The following DOCK10 variants were observed in gnomAD, a reference collection of about 807,000 sequenced individuals.
DOCK10 encodes the protein dedicator of cytokinesis 10.
DOCK10 carries 145 observed loss-of-function variants against 280.1 expected under a neutral mutation model. That is an observed-to-expected ratio of 0.52 (90% CI 0.45 to 0.59). DOCK10 has a LOEUF of 0.59. Ranked by LOEUF, DOCK10 falls within the 20% of genes least tolerant of loss-of-function variation. DOCK10 has a pLI of 0.00. For synonymous variants in DOCK10, 915 were observed against 942.2 expected, an observed-to-expected ratio of 0.97 and a Z score of 0.53; for missense variants, 2,368 against 2,651.7, an observed-to-expected ratio of 0.89 and a Z score of 2.35.
At chr2:224,921,112 A>AAAAAATATATAT in intron 2 of DOCK10, among the ~76,000 whole-genome samples, 3 of 54,426 alleles carry the variant, frequency 5.5e-5, no homozygotes, top group African/African-American at 3.1e-4. Context: ...AAAAAAAAAA[A>AAAAAATATATAT]ATATATATAT....
At position 224,906,753 on chromosome 2, in the gene DOCK10, A is replaced by G. The variant is rs538699646; in HGVS notation, c.333+9942T>C. On this transcript the variant is annotated intron_variant, in intron 3 of 55. Coordinates refer to ENST00000258390, the MANE Select transcript of DOCK10 (RefSeq NM_014689.3). ...CTTGGCCTCCCAAAGTGCTGGGATTACAGGCGTCAGTCACCGCACCCGGCC... is the reference window on the plus strand; with the variant it reads ...CTTGGCCTCCCAAAGTGCTGGGATTGCAGGCGTCAGTCACCGCACCCGGCC... 2.0e-5 allele frequency among the ~76,000 whole-genome samples: 3 copies of G among 152,356 alleles called. No individual in the cohort carries two copies. The South Asian group carries it at 6.2e-4, about 32-fold the overall frequency.
chr2:224,963,071 C>G (rs959742428), intron 1 of DOCK10, among the ~76,000 whole-genome samples: 2 of 152,122 alleles, frequency 1.3e-5, no homozygotes, highest in Admixed American at 1.3e-4. Flanking sequence ...AAACTGTTGT[C>G]CAAGCTGAGT....
intron 1 of DOCK10, among the ~76,000 whole-genome samples, chr2:224,960,164 AT>A (rs1417627111): frequency 1.3e-5 from 2 of 152,140 alleles, no homozygotes; most frequent in African/African-American, 4.8e-5. Context: ...AATGCTGCAC[AT>A]TTATTATCAT....
chr2:224,989,405 GATA>G (rs1459585726), intron 1 of DOCK10, among the ~76,000 whole-genome samples: 1 of 152,156 alleles, frequency 6.6e-6, no homozygotes, highest in Non-Finnish European at 1.5e-5. Flanking sequence ...TGAATCAACA[GATA>G]ATAAAAATCA....
At chr2:224,986,347 A>G (rs16866402) in intron 1 of DOCK10, among the ~76,000 whole-genome samples, 15,828 of 152,198 alleles carry the variant, frequency 0.1, 926 homozygotes, top group Middle Eastern at 0.21. Flanking sequence ...TGCTTCACAC[A>G]CTGTGAGTTT....
chr2:224,920,958 TAATAA>T (rs1701669835), intron 2 of DOCK10, among the ~76,000 whole-genome samples: 2 of 150,598 alleles, frequency 1.3e-5, no homozygotes, highest in African/African-American at 2.5e-5. Context: ...CTCTGTGACA[TAATAA>T]AATAAAGTGG....
At chr2:224,871,713 C>T (rs986341765) in intron 11 of DOCK10, among the ~76,000 whole-genome samples, 1 of 152,066 alleles carries the variant, frequency 6.6e-6, no homozygotes, top group Non-Finnish European at 1.5e-5. Flanking sequence ...GAATGTTCTC[C>T]CCTGACCTGC....
rs769451443 is a variant in DOCK10, at chr2:224,808,072, A to C, written c.3424T>G (p.Ser1142Ala). ...ELHASDMPEY[S>A]VTNEFCRKHF... ...TTGCGACAAAATTCATTTGTGACTG[A>C]ATATTCAGGCATATCTTTGTGAGGA... Residue 1142 changes from serine to alanine, a missense_variant, in exon 32 of 56, where the codon TCA becomes GCA. Physicochemically the swap from Ser to Ala is moderately conservative, Grantham distance 99 (BLOSUM62 1). Around this residue, in one of 2 missense-constraint regions of DOCK10, gnomAD observed 1,159 missense variants for 1,400.8 expected, o/e 0.83. Coordinates refer to ENST00000258390, the MANE Select transcript of DOCK10 (RefSeq NM_014689.3). 4 of 1,611,758 alleles carry C rather than the reference A, an allele frequency of 2.5e-6. No homozygotes were observed. The African/African-American group carries it at 5.3e-5, about 22-fold the overall frequency.
chr2:224,901,278 A>G (rs1238080243), intron 3 of DOCK10, among the ~76,000 whole-genome samples: 2 of 152,164 alleles, frequency 1.3e-5, no homozygotes, highest in Non-Finnish European at 2.9e-5. Context: ...TGGTACAGTA[A>G]GACAATGACT....
At chr2:225,035,573 T>TATATTATATATATATATATATATATA (rs1690228775) in intron 1 of DOCK10, among the ~76,000 whole-genome samples, 1 of 44,134 alleles carries the variant, frequency 2.3e-5, no homozygotes, top group Non-Finnish European at 6.0e-5. Flanking sequence ...TATATATATA[T>TATATTATATATATATATATATATATA]ATATATATAT....
intron 1 of DOCK10, among the ~76,000 whole-genome samples, chr2:224,933,165 T>G (rs775091059): frequency 9.2e-5 from 14 of 152,210 alleles, no homozygotes; most frequent in African/African-American, 3.4e-4. Context: ...ATTGAGTATT[T>G]TGAGGAAGAA....
At position 225,042,411 on chromosome 2, in the gene DOCK10, C is replaced by T. The variant is rs1690464916; in HGVS notation, c.-37G>A. 1 of 1,228,720 alleles carries T rather than the reference C, an allele frequency of 8.1e-7. No homozygotes were observed. The highest frequency in any genetic ancestry group is 1.0e-6 in the Non-Finnish European group (1 of 983,746). 76.1% of individuals were successfully genotyped at this position (1,228,720 alleles called of 1,614,324 possible). A position where few individuals can be genotyped will look rare whatever the true frequency, so the allele number is the denominator to read the frequency against. On this transcript the variant is annotated 5_prime_UTR_variant, in exon 1 of 56. Transcript: ENST00000258390. This position sits in a 1 kb window ranked among gnomAD's most constrained non-coding sequence, Gnocchi z 5.1. ...CCAATCGCGCCGCGGGCCCGGGGCG[C>T]GCCTCCCGCCGGTCTTCCCCGCGCC...
chr2:225,023,863 C>CG (rs778245708), intron 1 of DOCK10, among the ~76,000 whole-genome samples: 4 of 152,106 alleles, frequency 2.6e-5, no homozygotes, highest in Non-Finnish European at 5.9e-5. Context: ...TAAAAAGCAG[C>CG]GGGGGAATCT....
rs201026139 is a variant in DOCK10, at chr2:224,823,036, A to G, written c.3183+465T>C. ...GACAGTCTCTCTCTGTCACCAGGCTAGAGTGCAGTGGTGTGATCTCGGCTC... is the reference window on the plus strand; with the variant it reads ...GACAGTCTCTCTCTGTCACCAGGCTGGAGTGCAGTGGTGTGATCTCGGCTC... On this transcript the variant is annotated intron_variant, in intron 28 of 55. Coordinates refer to ENST00000258390, the MANE Select transcript of DOCK10 (RefSeq NM_014689.3). Among the ~76,000 whole-genome samples the G allele has an allele frequency of 2.9e-4, 43 of 149,102 alleles. No homozygotes were observed. The East Asian group carries it at 3.4e-3, about 12-fold the overall frequency.
chr2:225,016,840 C>T (rs935219235), intron 1 of DOCK10, among the ~76,000 whole-genome samples: 3 of 150,936 alleles, frequency 2.0e-5, no homozygotes, highest in Non-Finnish European at 4.4e-5. Flanking sequence ...GTAGCTGTGA[C>T]TATAGGTGGG....
intron 50 of DOCK10, among the ~76,000 whole-genome samples, chr2:224,780,481 A>T (rs1026616785): frequency 1.3e-5 from 2 of 152,252 alleles, no homozygotes; most frequent in Non-Finnish European, 2.9e-5. Flanking sequence ...GGTTCAGGAA[A>T]AGATTTTTTC....
intron 1 of DOCK10, among the ~76,000 whole-genome samples, chr2:225,012,195 G>A (rs1689462484): frequency 6.6e-6 from 1 of 152,184 alleles, no homozygotes; most frequent in Non-Finnish European, 1.5e-5. Context: ...CTTGCCATCA[G>A]TTCCACTGAG....
In DOCK10 at chr2:224,841,769, T is replaced by C. The variant is rs917673666; in HGVS notation, c.2661+35A>G. 6.3e-6 allele frequency: 9 copies of C among 1,423,376 alleles called. No individual in the cohort carries two copies. In the Admixed American group the frequency reaches 6.7e-5, roughly 11 times the overall value. The allele number at this position is 1,423,376 out of a possible 1,614,324, so 88.2% of individuals were successfully genotyped here. The stretch of plus-strand genomic sequence containing the variant: ...AAGTCTCTTTTGCACATTTTTACCC[T>C]GGAGATCACTGAAACTGCTTGCATG... On this transcript the variant is annotated intron_variant, in intron 23 of 55. Transcript: ENST00000258390.
intron 1 of DOCK10, among the ~76,000 whole-genome samples, chr2:224,972,638 G>A (rs1705156624): frequency 6.6e-6 from 1 of 152,158 alleles, no homozygotes; most frequent in Non-Finnish European, 1.5e-5. Flanking sequence ...TGTACCTACT[G>A]AACTTAAAAT....
Sources: allele counts gnomAD v4.1 joint callset (sites outside exome capture counted in the v4.1 genomes callset), GRCh38; gene constraint gnomAD v4.1.1; regional missense constraint gnomAD v4.1.1; non-coding constraint Gnocchi (gnomAD v3.1); transcripts MANE v1.5; gene names NCBI Gene and HGNC (gene_info 2026-07-23, HGNC 2026-07-21).